FOXP1: variants seen among roughly 807,000 people sequenced by gnomAD.
FOXP1 encodes the protein forkhead box protein P1.
In FOXP1, 15 loss-of-function variants were observed where a neutral mutation model predicts 98.2. The ratio of observed to expected loss-of-function variants is 0.15; its 90% CI spans 0.10 to 0.24. FOXP1 has a LOEUF of 0.24. Ranked by LOEUF, FOXP1 falls within the 10% of genes least tolerant of loss-of-function variation. The probability of loss-of-function intolerance (pLI) is 1.00; values close to 1 mark genes in which losing one functional copy is unlikely to be tolerated. For synonymous variants in FOXP1, 371 were observed against 314.5 expected, an observed-to-expected ratio of 1.18 and a Z score of -1.90; for missense variants, 633 against 848.5, an observed-to-expected ratio of 0.75 and a Z score of 3.15.
intron 11 of FOXP1, among the ~76,000 whole-genome samples, chr3:71,034,075 C>T (rs967100465): frequency 3.9e-5 from 6 of 152,134 alleles, no homozygotes; most frequent in East Asian, 1.9e-4. Context: ...ATGCCCAGCA[C>T]GCCCTCTATA....
chr3:71,124,242 T>C (rs2058996025), intron 6 of FOXP1, among the ~76,000 whole-genome samples: 1 of 151,896 alleles, frequency 6.6e-6, no homozygotes, highest in African/African-American at 2.4e-5. Context: ...ACCTGCATAG[T>C]CGTTTGACAG....
chr3:71,214,649 G>C (rs889323907), intron 5 of FOXP1, among the ~76,000 whole-genome samples: 2 of 152,144 alleles, frequency 1.3e-5, no homozygotes, highest in Admixed American at 1.3e-4. Context: ...CCTGTAAACG[G>C]AGACAACAGG....
At chr3:71,463,847 C>T (rs1004030558) in intron 3 of FOXP1, among the ~76,000 whole-genome samples, 4 of 152,032 alleles carry the variant, frequency 2.6e-5, no homozygotes, top group African/African-American at 4.8e-5. Context: ...TTTGTAATAA[C>T]GGAAGTATGG....
At chr3:71,112,255 T>C (rs1191544223) in intron 7 of FOXP1, among the ~76,000 whole-genome samples, 1 of 152,170 alleles carries the variant, frequency 6.6e-6, no homozygotes, top group East Asian at 1.9e-4. Context: ...CTATGAACTT[T>C]TCTCATTGGT....
chr3:70,960,463 A>G (rs538716160), intron 20 of FOXP1, among the ~76,000 whole-genome samples: 246 of 152,298 alleles, frequency 1.6e-3, no homozygotes, highest in Non-Finnish European at 3.1e-3. Context: ...TCGGATAACT[A>G]TTGAGAAATG....
intron 5 of FOXP1, among the ~76,000 whole-genome samples, chr3:71,209,642 C>T (rs774877912): frequency 3.9e-5 from 6 of 152,162 alleles, no homozygotes; most frequent in East Asian, 3.8e-4. Context: ...ACAATAAGTT[C>T]GGTGTGTCCC....
At chr3:71,418,564 G>A (rs114734258) in intron 3 of FOXP1, among the ~76,000 whole-genome samples, 1,593 of 152,228 alleles carry the variant, frequency 0.01, 17 homozygotes, top group South Asian at 0.033. Context: ...TGTTAAAAGC[G>A]GTGTATTTTC....
chr3:71,022,858 T>C (rs17008144), intron 11 of FOXP1, among the ~76,000 whole-genome samples: 4,657 of 152,242 alleles, frequency 0.031, 245 homozygotes, highest in African/African-American at 0.11. Flanking sequence ...CATCCTGGTA[T>C]TGACAAGATG....
chr3:71,342,700 G>C (rs1431935976), intron 4 of FOXP1, among the ~76,000 whole-genome samples: 1 of 124,722 alleles, frequency 8.0e-6, no homozygotes, highest in African/African-American at 2.8e-5. Context: ...AAAAAAAAAA[G>C]CAAACAGACC....
intron 6 of FOXP1, among the ~76,000 whole-genome samples, chr3:71,168,978 C>G (rs535012843): frequency 6.6e-6 from 1 of 152,070 alleles, no homozygotes. Context: ...CTGCTGAGCC[C>G]GCATGGGAGG....
chr3:71,215,082 CA>C (rs2064821591), intron 5 of FOXP1, among the ~76,000 whole-genome samples: 1 of 152,190 alleles, frequency 6.6e-6, no homozygotes, highest in South Asian at 2.1e-4. Flanking sequence ...AAAATATCCC[CA>C]AGGTGATTCA....
At chr3:71,532,882 A>G (rs554964113) in intron 2 of FOXP1, among the ~76,000 whole-genome samples, 27 of 152,298 alleles carry the variant, frequency 1.8e-4, no homozygotes, top group Admixed American at 2.0e-4. Flanking sequence ...CATTTTCAGG[A>G]GGCGAGGCGG....
intron 3 of FOXP1, among the ~76,000 whole-genome samples, chr3:71,393,575 C>T (rs1038472003): frequency 6.6e-6 from 1 of 152,170 alleles, no homozygotes; most frequent in Non-Finnish European, 1.5e-5. Flanking sequence ...TCTTTTCAAG[C>T]TGACATAGCC....
At chr3:71,049,876 T>A (rs1379389964) in intron 9 of FOXP1, among the ~76,000 whole-genome samples, 2 of 152,072 alleles carry the variant, frequency 1.3e-5, no homozygotes, top group African/African-American at 4.8e-5. Context: ...ACTACAGATC[T>A]CCTAAGCATT....
At chr3:71,175,445 G>A (rs62256870) in intron 6 of FOXP1, among the ~76,000 whole-genome samples, 1 of 152,314 alleles carries the variant, frequency 6.6e-6, no homozygotes, top group African/African-American at 2.4e-5. Context: ...TTCAATTGAT[G>A]ACTTTTCTTC....
intron 6 of FOXP1, among the ~76,000 whole-genome samples, chr3:71,158,131 G>GGGAGGGAA (rs2060931562): frequency 1.8e-4 from 12 of 65,244 alleles, no homozygotes; most frequent in African/African-American, 4.2e-4. Context: ...GAGGGAGGGA[G>GGGAGGGAA]GGAGGGAGGC....
At chr3:71,010,784 A>C (rs1248657184) in intron 12 of FOXP1, among the ~76,000 whole-genome samples, 1 of 151,980 alleles carries the variant, frequency 6.6e-6, no homozygotes, top group African/African-American at 2.4e-5. Flanking sequence ...GAATCCAGCA[A>C]TCTGAGCAAA....
chr3:71,573,751 A>G (rs2047518590), intron 2 of FOXP1: 3 of 152,090 alleles, frequency 2.0e-5, no homozygotes, highest in Admixed American at 2.0e-4. Flanking sequence ...ATGTTATCTG[A>G]AGATGCCCCA....
At chr3:71,252,050 T>A (rs1477941623) in intron 5 of FOXP1, among the ~76,000 whole-genome samples, 1 of 152,154 alleles carries the variant, frequency 6.6e-6, no homozygotes, top group Non-Finnish European at 1.5e-5. Context: ...CCAAAAGATA[T>A]AAGGGGAAGA....
Sources: allele counts gnomAD v4.1 joint callset (sites outside exome capture counted in the v4.1 genomes callset), GRCh38; gene constraint gnomAD v4.1.1; transcripts MANE v1.5; gene names NCBI Gene and HGNC (gene_info 2026-07-23, HGNC 2026-07-21).